BMERB1: variants seen among roughly 807,000 people sequenced by gnomAD.
BMERB1 encodes bMERB domain containing 1.
Under a neutral mutation model 23.6 loss-of-function variants are expected in BMERB1, and 12 were observed. The ratio of observed to expected loss-of-function variants is 0.51; its 90% CI spans 0.33 to 0.82. BMERB1 has a LOEUF of 0.82. Ranked by LOEUF, BMERB1 falls within the 40% of genes least tolerant of loss-of-function variation. The probability of loss-of-function intolerance (pLI) is 0.03; values close to 1 mark genes in which losing one functional copy is unlikely to be tolerated. For synonymous variants in BMERB1, 122 were observed against 96.6 expected, an observed-to-expected ratio of 1.26 and a Z score of -1.54; for missense variants, 247 against 255.4, an observed-to-expected ratio of 0.97 and a Z score of 0.22.
intron 1 of BMERB1, among the ~76,000 whole-genome samples, chr16:15,466,874 C>G (rs981079400): frequency 2.0e-5 from 3 of 152,122 alleles, no homozygotes. Flanking sequence ...CCATTCAACC[C>G]CTAGCAACAA....
intron 2 of BMERB1, among the ~76,000 whole-genome samples, chr16:15,530,408 T>TA (rs1278070649): frequency 6.6e-6 from 1 of 152,210 alleles, no homozygotes; most frequent in Admixed American, 6.5e-5. Flanking sequence ...ATTTCCTTTT[T>TA]AAAAATATAT....
chr16:15,551,335 C>CT (rs1386582938), intron 2 of BMERB1, among the ~76,000 whole-genome samples: 1 of 152,066 alleles, frequency 6.6e-6, no homozygotes, highest in Non-Finnish European at 1.5e-5. Context: ...GGGTGGTGTG[C>CT]TAGAACCATG....
In BMERB1 at chr16:15,588,220, T is replaced by G. The variant is rs1431259970; in HGVS notation, c.*1391T>G. ...ATTATACCACCATCTTCCACATCAT[T>G]AAAAGCTCTTTGTAAACATTAAACA... On this transcript the variant is annotated 3_prime_UTR_variant, in exon 6 of 6. Transcript: ENST00000300006. 1 of 152,230 alleles carries G rather than the reference T, an allele frequency of 6.6e-6. No homozygotes were observed. Among genetic ancestry groups the G allele is most frequent in the African/African-American group, 2.4e-5 (1 of 41,452 alleles). The allele number at this position is 152,230 out of a possible 1,614,324, so 9.4% of individuals were successfully genotyped here.
At chr16:15,578,987 T>C (rs960122026) in intron 3 of BMERB1, among the ~76,000 whole-genome samples, 39 of 152,258 alleles carry the variant, frequency 2.6e-4, no homozygotes, top group Admixed American at 2.1e-3. Flanking sequence ...CGCAGGCCAC[T>C]TGTGTGAGTA....
intron 2 of BMERB1, among the ~76,000 whole-genome samples, chr16:15,552,785 GTTTTC>G (rs1307633382): frequency 1.3e-5 from 2 of 152,340 alleles, no homozygotes; most frequent in East Asian, 3.9e-4. Context: ...CTCAAGAACT[GTTTTC>G]TGGATGAGTC....
At chr16:15,560,676 C>G (rs2030391129) in intron 2 of BMERB1, among the ~76,000 whole-genome samples, 1 of 151,866 alleles carries the variant, frequency 6.6e-6, no homozygotes, top group South Asian at 2.1e-4. Context: ...CCCTGTAGTC[C>G]CAGCTACTCT....
chr16:15,569,072 C>T (rs1406126113), intron 3 of BMERB1, among the ~76,000 whole-genome samples: 2 of 151,946 alleles, frequency 1.3e-5, no homozygotes, highest in African/African-American at 4.8e-5. Flanking sequence ...GAAAATTAGC[C>T]AGGGGTGGTG....
chr16:15,538,402 G>A lies in BMERB1; in HGVS notation c.230+22974G>A, dbSNP rs145958856. Among the ~76,000 whole-genome samples the A allele has an allele frequency of 1.8e-3, 279 of 152,058 alleles. 1 individual carries two copies. Among genetic ancestry groups the A allele is most frequent in the Middle Eastern group, 0.017 (5 of 294 alleles). ...TGAGAGGCGGAGATTGCAGTGAGCC[G>A]AGATGTGCCAGTGCACTCCAGCCTG... On this transcript the variant is annotated intron_variant, in intron 2 of 5. Coordinates refer to ENST00000300006, the MANE Select transcript of BMERB1 (RefSeq NM_033201.3).
At chr16:15,512,918 C>T (rs1402090086) in intron 1 of BMERB1, among the ~76,000 whole-genome samples, 1 of 151,764 alleles carries the variant, frequency 6.6e-6, no homozygotes, top group African/African-American at 2.4e-5. Context: ...GAACAACTTT[C>T]CAAATCATGG....
intron 3 of BMERB1, among the ~76,000 whole-genome samples, chr16:15,573,386 C>G (rs1443580442): frequency 6.6e-6 from 1 of 152,104 alleles, no homozygotes; most frequent in African/African-American, 2.4e-5. Flanking sequence ...AATCAGTGCC[C>G]CTGAGCATTC....
At chr16:15,554,177 C>G (rs2030175949) in intron 2 of BMERB1, among the ~76,000 whole-genome samples, 1 of 152,150 alleles carries the variant, frequency 6.6e-6, no homozygotes, top group African/African-American at 2.4e-5. Context: ...CTATCCTGAT[C>G]TCTGTCTTCC....
chr16:15,579,186 A>G (rs2030946517), intron 3 of BMERB1, among the ~76,000 whole-genome samples: 1 of 152,138 alleles, frequency 6.6e-6, no homozygotes, highest in African/African-American at 2.4e-5. Context: ...AGTGCTGTCA[A>G]TGGTTATTTG....
Position 15,587,105 on chromosome 16 carries a change from C to CGAGA in BMERB1, c.*276_*277insGAGA. 2.2e-6 allele frequency: 1 copy of CGAGA among 447,382 alleles called. No individual in the cohort carries two copies. The highest frequency in any genetic ancestry group is 3.5e-5 in the South Asian group (1 of 28,598). 27.7% of individuals were successfully genotyped at this position (447,382 alleles called of 1,614,324 possible). On this transcript the variant is annotated 3_prime_UTR_variant, in exon 6 of 6. Coordinates refer to ENST00000300006, the MANE Select transcript of BMERB1 (RefSeq NM_033201.3). Reference sequence around the variant, plus strand: ...ATCCAAACACCAGGAAAGGTCCTCCCTCAAAAAAGCATATCTCCACTTCTC... The same window carrying CGAGA: ...ATCCAAACACCAGGAAAGGTCCTCCCGAGATCAAAAAAGCATATCTCCACTTCTC...
chr16:15,473,915 C>T (rs1324395570), intron 1 of BMERB1, among the ~76,000 whole-genome samples: 5 of 151,720 alleles, frequency 3.3e-5, no homozygotes, highest in Non-Finnish European at 5.9e-5. Context: ...GTCAGGAGAT[C>T]GAGACCATCC....
rs1393772319 is a variant in BMERB1 at position 15,581,197 on chromosome 16, T to C, written c.305-20T>C. 1.9e-6 allele frequency: 3 copies of C among 1,585,718 alleles called. No individual in the cohort carries two copies. The East Asian group carries it at 6.8e-5, about 36-fold the overall frequency. ...CTCCCAAAATGCTCATCTGTCTCCT[T>C]GTTGATGTCTTCTTTCCAGAAAAAG... On this transcript the variant is annotated intron_variant, in intron 3 of 5. Transcript: ENST00000300006.
intron 3 of BMERB1, among the ~76,000 whole-genome samples, chr16:15,579,973 T>C (rs1009409532): frequency 1.3e-5 from 2 of 152,152 alleles, no homozygotes; most frequent in Admixed American, 1.3e-4. Flanking sequence ...GTTTATTACA[T>C]AGGTAAACGT....
chr16:15,564,899 A>T (rs1177593876), intron 2 of BMERB1, among the ~76,000 whole-genome samples: 2 of 152,200 alleles, frequency 1.3e-5, no homozygotes, highest in Non-Finnish European at 2.9e-5. Context: ...CATTCCTTAC[A>T]TGTAGCCTCA....
At chr16:15,534,314 A>T (rs948440807) in intron 2 of BMERB1, among the ~76,000 whole-genome samples, 1 of 143,608 alleles carries the variant, frequency 7.0e-6, no homozygotes, top group Admixed American at 7.1e-5. Flanking sequence ...AAAAAAAAAA[A>T]AGAAAAGGCC....
At chr16:15,513,170 C>T (rs888143526) in intron 1 of BMERB1, among the ~76,000 whole-genome samples, 17 of 152,302 alleles carry the variant, frequency 1.1e-4, no homozygotes, top group Admixed American at 1.1e-3. Flanking sequence ...ACCCTAGAAA[C>T]ATAGCCCGAA....
Sources: gnomAD v4.1 joint callset for allele counts (sites outside exome capture counted in the v4.1 genomes callset) on GRCh38, gnomAD v4.1.1 for gene constraint, MANE v1.5 for transcripts, NCBI Gene and HGNC (gene_info 2026-07-23, HGNC 2026-07-21) for gene names.